Variants in METTL15 observed in about 807,000 individuals in gnomAD.
The protein encoded by METTL15 is methyltransferase 15, mitochondrial 12S rRNA N4-cytidine.
METTL15 carries 34 observed loss-of-function variants against 38.3 expected under a neutral mutation model. The ratio of observed to expected loss-of-function variants is 0.89; its 90% CI spans 0.68 to 1.18. The LOEUF (loss-of-function observed/expected upper bound fraction) is 1.18, where lower values mean the gene tolerates loss of function less well. Among genes scored for constraint, METTL15 ranks in the 50% most tolerant of loss-of-function variants. The probability of loss-of-function intolerance (pLI) is 0.00; values close to 1 mark genes in which losing one functional copy is unlikely to be tolerated. For synonymous variants in METTL15, 162 were observed against 170.9 expected (o/e 0.95, Z 0.41); for missense variants, 438 against 498.4 (o/e 0.88, Z 1.15).
In METTL15 at chr11:28,472,874, T is replaced by TCA. The variant is rs1333214798; in HGVS notation, c.*424+48510_*424+48511insCA. ...ATGAACCTTAGAGAATTCTAGAGAC[T>TCA]GAGCACTCAGTAGAAAATGTAATTC... On this transcript the variant is annotated intron_variant and NMD_transcript_variant, in intron 6 of 7. Coordinates refer to the METTL15 transcript ENST00000532947. Among the ~76,000 whole-genome samples the TCA allele has an allele frequency of 3.8e-3, 578 of 152,310 alleles. 7 individuals carry two copies. The highest frequency in any genetic ancestry group is 0.013 in the African/African-American group (551 of 41,574).
At chr11:28,255,151 T>C (rs1474549099) in intron 4 of METTL15, among the ~76,000 whole-genome samples, 1 of 152,184 alleles carries the variant, frequency 6.6e-6, no homozygotes, top group African/African-American at 2.4e-5. Context: ...ATCAGTGTTT[T>C]ATAATTTTCT....
chr11:28,429,618 C>T (rs1196805044), intron 6 of METTL15, among the ~76,000 whole-genome samples: 11 of 64,206 alleles, frequency 1.7e-4, no homozygotes, highest in Middle Eastern at 5.9e-3. Flanking sequence ...CTTGGCCTCC[C>T]GAGGTGCCGG....
At position 28,149,912 on chromosome 11, in the gene METTL15, G is replaced by A. The variant is rs781111184; in HGVS notation, c.270+36308G>A. Among the ~76,000 whole-genome samples the A allele has an allele frequency of 3.3e-5, 5 of 151,952 alleles. No homozygotes were observed. The South Asian group carries it at 8.3e-4, about 25-fold the overall frequency. Reference sequence around the variant, plus strand: ...AACATCTCTGAGATGCCTTGCAATTGGAAACACTCATTGAGACAACTGAGG... The same window carrying A: ...AACATCTCTGAGATGCCTTGCAATTAGAAACACTCATTGAGACAACTGAGG... On this transcript the variant is annotated intron_variant, in intron 3 of 6. Transcript: ENST00000407364.
At chr11:28,413,479 GCA>G (rs1437875783) in intron 5 of METTL15, among the ~76,000 whole-genome samples, 1 of 152,130 alleles carries the variant, frequency 6.6e-6, no homozygotes, top group Non-Finnish European at 1.5e-5. Context: ...ATGCAAATCT[GCA>G]CAGTTTTTTC....
rs549210524 is a variant in METTL15 at position 28,312,761 on chromosome 11, C to G, written c.778+15830C>G. 4.6e-5 allele frequency among the ~76,000 whole-genome samples: 7 copies of G among 152,236 alleles called. No individual in the cohort carries two copies. In the South Asian group the frequency reaches 1.0e-3, roughly 23 times the overall value. ...AAAGGCAGAAGGTCAAAAGAGCATGCATGCAGGAGAGGAAAGGGGGCCCAA... is the reference window on the plus strand; with the variant it reads ...AAAGGCAGAAGGTCAAAAGAGCATGGATGCAGGAGAGGAAAGGGGGCCCAA... On this transcript the variant is annotated intron_variant, in intron 6 of 6. Transcript: ENST00000407364.
chr11:28,306,169 G>GA (rs1857076379), intron 6 of METTL15, among the ~76,000 whole-genome samples: 1 of 151,952 alleles, frequency 6.6e-6, no homozygotes, highest in South Asian at 2.1e-4. Context: ...TGCTTCTAGG[G>GA]AAAAAGAGAA....
chr11:28,389,485 G>C (rs1299774968), intron 5 of METTL15, among the ~76,000 whole-genome samples: 1 of 147,518 alleles, frequency 6.8e-6, no homozygotes, highest in African/African-American at 2.5e-5. Flanking sequence ...TGCGGTGTTT[G>C]ATTTTTTGTC....
intron 6 of METTL15, among the ~76,000 whole-genome samples, chr11:28,426,584 G>GT (rs66959082): frequency 0.086 from 7,019 of 81,936 alleles, 315 homozygotes; most frequent in East Asian, 0.29. Context: ...GCCAGCATCT[G>GT]TTTTTTTTTT....
chr11:28,493,858 CA>C (rs1851516211), intron 6 of METTL15, among the ~76,000 whole-genome samples: 1 of 152,090 alleles, frequency 6.6e-6, no homozygotes, highest in South Asian at 2.1e-4. Context: ...AAAAATATGG[CA>C]ATAAATTTTC....
At chr11:28,245,696 CTATCAG>C (rs1854481400) in intron 4 of METTL15, among the ~76,000 whole-genome samples, 1 of 152,096 alleles carries the variant, frequency 6.6e-6, no homozygotes, top group Non-Finnish European at 1.5e-5. Context: ...GTTTCATTGA[CTATCAG>C]TTCCATAGGC....
intron 6 of METTL15, among the ~76,000 whole-genome samples, chr11:28,318,502 C>T (rs539848559): frequency 6.6e-6 from 1 of 152,100 alleles, no homozygotes; most frequent in Non-Finnish European, 1.5e-5. Flanking sequence ...GAAATGAGAA[C>T]AAGAAGCACT....
intron 3 of METTL15, among the ~76,000 whole-genome samples, chr11:28,130,243 C>A (rs1304945722): frequency 1.3e-5 from 2 of 152,020 alleles, no homozygotes; most frequent in Admixed American, 1.3e-4. Context: ...CCCTGGAGGT[C>A]AAGGCTGCAG....
chr11:28,418,993 CA>C (rs1850797245), intron 5 of METTL15, among the ~76,000 whole-genome samples: 1 of 152,150 alleles, frequency 6.6e-6, no homozygotes, highest in Non-Finnish European at 1.5e-5. Flanking sequence ...AGTTTAGGCC[CA>C]AAAGGACTGC....
chr11:28,339,844 G>A lies in METTL15; in HGVS notation c.*190-12246G>A, dbSNP rs756535954. On this transcript the variant is annotated intron_variant and NMD_transcript_variant, in intron 3 of 7. Coordinates refer to the METTL15 transcript ENST00000532947. The stretch of plus-strand genomic sequence containing the variant: ...ATAAAAGTCACATGAGCCATGAGGA[G>A]GAGAAAGTAGGGGGGAAAGGGGAAC... Among the ~76,000 whole-genome samples, 5 of 152,196 alleles carry A rather than the reference G, an allele frequency of 3.3e-5. No individual in the cohort carries two copies. The South Asian group carries it at 8.3e-4, about 25-fold the overall frequency.
chr11:28,298,453 G>T (rs1856812445), intron 6 of METTL15, among the ~76,000 whole-genome samples: 2 of 152,044 alleles, frequency 1.3e-5, no homozygotes, highest in Admixed American at 6.6e-5. Flanking sequence ...CTCAGGGAGG[G>T]TCAATAGCTT....
intron 4 of METTL15, among the ~76,000 whole-genome samples, chr11:28,271,709 A>G (rs964252066): frequency 6.6e-6 from 1 of 152,204 alleles, no homozygotes; most frequent in Non-Finnish European, 1.5e-5. Context: ...CTAAAAGCCA[A>G]AATTGAAAAT....
chr11:28,110,093 C>T (rs1034868940), intron 1 of METTL15, 73 bp from the exon 2 acceptor site: 3 of 152,048 alleles, frequency 2.0e-5, no homozygotes, highest in African/African-American at 4.8e-5. Flanking sequence ...TGTTTCAGAC[C>T]AAAAAATAAA....
At chr11:28,291,421 A>T (rs1856509097) in intron 5 of METTL15, among the ~76,000 whole-genome samples, 1 of 152,064 alleles carries the variant, frequency 6.6e-6, no homozygotes, top group Non-Finnish European at 1.5e-5. Flanking sequence ...CTCAGTACTG[A>T]CCTAGGGAAT....
chr11:28,469,780 GA>G (rs1851287983), intron 6 of METTL15, among the ~76,000 whole-genome samples: 1 of 152,050 alleles, frequency 6.6e-6, no homozygotes. Context: ...CAAAATTCAT[GA>G]AATGAGATTC....
Sources: allele counts gnomAD v4.1 joint callset (sites outside exome capture counted in the v4.1 genomes callset), GRCh38; gene constraint gnomAD v4.1.1; transcripts MANE v1.5; gene names NCBI Gene and HGNC (gene_info 2026-07-23, HGNC 2026-07-21).